Variants in ANO3 observed in about 807,000 individuals in gnomAD.
The protein encoded by ANO3 is anoctamin 3.
In ANO3, 99 loss-of-function variants were observed where a neutral mutation model predicts 144.8. The ratio of observed to expected loss-of-function variants is 0.68; its 90% CI spans 0.58 to 0.81. The LOEUF is 0.81. Among genes scored for constraint, ANO3 ranks in the 30% least tolerant of loss-of-function variants. The pLI, the probability that ANO3 is intolerant of heterozygous loss-of-function variation, is 0.00. For synonymous variants in ANO3, 414 were observed against 392.6 expected (o/e 1.05, Z -0.64); for missense variants, 905 against 1,202.2 (o/e 0.75, Z 3.66).
chr11:26,515,781 G>C (rs1034560661), intron 5 of ANO3, among the ~76,000 whole-genome samples: 4 of 151,910 alleles, frequency 2.6e-5, no homozygotes, highest in African/African-American at 9.7e-5. Context: ...GTCTAACCTG[G>C]TGGGTGCATC....
chr11:26,526,795 T>C (rs941637998), intron 7 of ANO3, among the ~76,000 whole-genome samples: 2 of 152,160 alleles, frequency 1.3e-5, no homozygotes, highest in Non-Finnish European at 2.9e-5. Context: ...GTCACATTTT[T>C]CTGTCAGGTT....
chr11:26,310,839 G>T (rs1053267870), intron 1 of ANO3, among the ~76,000 whole-genome samples: 2 of 152,220 alleles, frequency 1.3e-5, no homozygotes, highest in African/African-American at 2.4e-5. Context: ...GCCAAAGTCA[G>T]ATTTCGGAGA....
At chr11:26,618,569 G>A (rs1364791983) in intron 17 of ANO3, among the ~76,000 whole-genome samples, 2 of 152,092 alleles carry the variant, frequency 1.3e-5, no homozygotes, top group Non-Finnish European at 2.9e-5. Flanking sequence ...CTGTTTAATG[G>A]GTTTCTATTG....
intron 1 of ANO3, among the ~76,000 whole-genome samples, chr11:26,324,721 G>A (rs1335616218): frequency 6.6e-6 from 1 of 152,188 alleles, no homozygotes; most frequent in African/African-American, 2.4e-5. Context: ...CAGCCAGTAG[G>A]CTGGGAACCC....
chr11:26,419,107 T>C (rs1264487121), intron 1 of ANO3, among the ~76,000 whole-genome samples: 1 of 135,850 alleles, frequency 7.4e-6, no homozygotes, highest in Non-Finnish European at 1.6e-5. Flanking sequence ...AAACTTACAA[T>C]CATGGCAGAA....
chr11:26,496,976 A>ATATATATGTATATATATATG (rs1860974792), intron 4 of ANO3, among the ~76,000 whole-genome samples: 2 of 105,448 alleles, frequency 1.9e-5, no homozygotes, highest in Non-Finnish European at 4.2e-5. Flanking sequence ...TGTTGTGTGT[A>ATATATATGTATATATATATG]TATATATATA....
At chr11:26,298,633 T>C (rs867915444) in intron 1 of ANO3, among the ~76,000 whole-genome samples, 1 of 152,222 alleles carries the variant, frequency 6.6e-6, no homozygotes, top group Non-Finnish European at 1.5e-5. Context: ...AATTTCACTT[T>C]AATATCACCT....
intron 20 of ANO3, among the ~76,000 whole-genome samples, chr11:26,638,018 A>T (rs6484227): frequency 0.35 from 52,789 of 152,018 alleles, 9,763 homozygotes; most frequent in South Asian, 0.48. Flanking sequence ...ATACTAACTT[A>T]TTGAAAATCT....
intron 1 of ANO3, among the ~76,000 whole-genome samples, chr11:26,367,796 A>G (rs558145856): frequency 6.8e-4 from 104 of 152,326 alleles, no homozygotes; most frequent in African/African-American, 2.4e-3. Context: ...AGGAGCTTTC[A>G]ATAGTGGCAC....
chr11:26,645,752 T>G (rs945592918), intron 23 of ANO3, among the ~76,000 whole-genome samples: 2 of 152,104 alleles, frequency 1.3e-5, no homozygotes, highest in Non-Finnish European at 2.9e-5. Flanking sequence ...TAATGCATGC[T>G]GGGTTTAATA....
intron 3 of ANO3, among the ~76,000 whole-genome samples, chr11:26,449,099 C>T (rs1482374149): frequency 6.6e-6 from 1 of 152,174 alleles, no homozygotes; most frequent in African/African-American, 2.4e-5. Flanking sequence ...TCTGGTCTCT[C>T]TAGGCCATTT....
intron 1 of ANO3, among the ~76,000 whole-genome samples, chr11:26,387,503 C>T (rs369883011): frequency 3.6e-5 from 3 of 83,142 alleles, no homozygotes; most frequent in South Asian, 4.7e-4. Flanking sequence ...AAAGTTACTT[C>T]GTGAATTTCT....
chr11:26,289,367 A>C (rs1338024056), intron 1 of ANO3, among the ~76,000 whole-genome samples: 1 of 151,482 alleles, frequency 6.6e-6, no homozygotes. Flanking sequence ...GTGATTGTGA[A>C]TATAAGTAAT....
At chr11:26,533,717 T>C (rs925125505) in intron 8 of ANO3, among the ~76,000 whole-genome samples, 40 of 152,134 alleles carry the variant, frequency 2.6e-4, no homozygotes, top group African/African-American at 9.6e-4. Flanking sequence ...AGAGACAGTT[T>C]AGTCAGAAAA....
intron 14 of ANO3, among the ~76,000 whole-genome samples, chr11:26,591,364 T>TA (rs1370316699): frequency 6.6e-6 from 1 of 152,168 alleles, no homozygotes; most frequent in Non-Finnish European, 1.5e-5. Context: ...GAGCATGGGC[T>TA]AGCAGGCTGG....
chr11:26,537,585 G>A, intron 10 of ANO3, 124 bp downstream of exon 10: 1 of 803,168 alleles, frequency 1.2e-6, no homozygotes, highest in Non-Finnish European at 2.2e-6. Flanking sequence ...GTAGCCATGG[G>A]CCTTCTGTCT....
At chr11:26,634,356 A>G (rs1215258329) in intron 19 of ANO3, 41 bp downstream of exon 19, 32 of 1,300,508 alleles carry the variant, frequency 2.5e-5, no homozygotes, top group Non-Finnish European at 3.4e-5. Flanking sequence ...AGAGTGAAAA[A>G]CACAGTCAAT....
At chr11:26,419,394 A>G (rs180814617) in intron 1 of ANO3, among the ~76,000 whole-genome samples, 2 of 152,206 alleles carry the variant, frequency 1.3e-5, no homozygotes, top group Admixed American at 1.3e-4. Flanking sequence ...TTTCACGTCT[A>G]TTGGGTCAGA....
chr11:26,634,518 A>T lies in ANO3; in HGVS notation c.1985+203A>T, dbSNP rs1404430899. On this transcript the variant is annotated intron_variant, in intron 19 of 26. Transcript: ENST00000256737. ...AACAATTTTGTTAAAGAAGCAAAGA[A>T]TTTTTGTGTGACCTTGGGTTATAAT... Among the ~76,000 whole-genome samples, 5 of 152,310 alleles carry T rather than the reference A, an allele frequency of 3.3e-5. No individual in the cohort carries two copies. In the East Asian group the frequency reaches 7.7e-4, roughly 24 times the overall value.
Sources: gnomAD v4.1 joint callset for allele counts (sites outside exome capture counted in the v4.1 genomes callset) on GRCh38, gnomAD v4.1.1 for gene constraint, MANE v1.5 for transcripts, NCBI Gene and HGNC (gene_info 2026-07-23, HGNC 2026-07-21) for gene names.